Variants in GABRB3 observed in about 807,000 individuals in gnomAD.
The protein encoded by GABRB3 is gamma-aminobutyric acid receptor subunit beta-3.
In GABRB3, 14 loss-of-function variants were observed where a neutral mutation model predicts 52.1. The ratio of observed to expected loss-of-function variants is 0.27; its 90% CI spans 0.18 to 0.42. The LOEUF (loss-of-function observed/expected upper bound fraction) is 0.42, where lower values mean the gene tolerates loss of function less well. Ranked by LOEUF, GABRB3 falls within the 10% of genes least tolerant of loss-of-function variation. The pLI, the probability that GABRB3 is intolerant of heterozygous loss-of-function variation, is 1.00. For missense variants in GABRB3, 307 were observed against 609.1 expected, an observed-to-expected ratio of 0.50 and a Z score of 5.22; for synonymous variants, 260 against 232.3, an observed-to-expected ratio of 1.12 and a Z score of -1.08.
intron 4 of GABRB3, chr15:26,615,101 A>G (rs1393184541): frequency 6.1e-6 from 1 of 165,168 alleles, no homozygotes; most frequent in Non-Finnish European, 1.3e-5. Flanking sequence ...ATTCAATGAC[A>G]TCCGAGGGCC....
At chr15:26,575,571 T>C (rs1890566055) in intron 6 of GABRB3, among the ~76,000 whole-genome samples, 1 of 152,220 alleles carries the variant, frequency 6.6e-6, no homozygotes, top group Admixed American at 6.5e-5. Context: ...GATCCTAGGC[T>C]TTAGTTAAGC....
In GABRB3 at chr15:26,731,790, G is replaced by A. The variant is rs117086282; in HGVS notation, c.240+40612C>T. 8.7e-3 allele frequency among the ~76,000 whole-genome samples: 1,326 copies of A among 152,288 alleles called. 7 individuals carry two copies. Among genetic ancestry groups the A allele is most frequent in the South Asian group, 0.05 (244 of 4,832 alleles). On this transcript the variant is annotated intron_variant, in intron 3 of 8. Coordinates refer to ENST00000311550, the MANE Select transcript of GABRB3 (RefSeq NM_000814.6). The stretch of plus-strand genomic sequence containing the variant: ...TTGTGAACACGAAAAAGCAGATCCT[G>A]CATACCATTTAGCGGTGTTTTTAAA...
Position 26,580,392 on chromosome 15 carries a change from C to G in GABRB3, c.609G>C (p.Val203=). The change falls in exon 6 of 9, where the codon GTG becomes GTC. Residue 203 remains valine, a synonymous_variant. Coordinates refer to ENST00000311550, the MANE Select transcript of GABRB3 (RefSeq NM_000814.6). The part of the protein sequence containing the change: ...WRGGDKAVTG[V]ERIELPQFSI... ...AGAACTGCGGGAGCTCAATCCTTTCCACTCCGGTAACAGCCTTGTCCCCGC... is the reference window on the plus strand; with the variant it reads ...AGAACTGCGGGAGCTCAATCCTTTCGACTCCGGTAACAGCCTTGTCCCCGC... The G allele has an allele frequency of 6.2e-7, 1 of 1,614,176 alleles. No individual in the cohort carries two copies. Among genetic ancestry groups the G allele is most frequent in the Non-Finnish European group, 8.5e-7 (1 of 1,180,034 alleles).
At chr15:26,632,607 A>C (rs1312387265) in intron 3 of GABRB3, among the ~76,000 whole-genome samples, 16 of 152,222 alleles carry the variant, frequency 1.1e-4, no homozygotes, top group Non-Finnish European at 2.4e-4. Flanking sequence ...TAAGCCAATG[A>C]GAACCAGGGA....
chr15:26,743,818 T>C (rs557505350), intron 3 of GABRB3, among the ~76,000 whole-genome samples: 10 of 152,350 alleles, frequency 6.6e-5, no homozygotes, highest in Admixed American at 2.0e-4. Context: ...TGTGATTAGA[T>C]TGGTCACCAG....
intron 3 of GABRB3, among the ~76,000 whole-genome samples, chr15:26,746,580 T>C (rs1230584051): frequency 7.1e-6 from 1 of 141,056 alleles, no homozygotes. Context: ...AGTCCGTTTT[T>C]TGTTTTTTTT....
chr15:26,663,147 A>G (rs902125742), intron 3 of GABRB3, among the ~76,000 whole-genome samples: 1 of 152,200 alleles, frequency 6.6e-6, no homozygotes, highest in Non-Finnish European at 1.5e-5. Context: ...TACAGAACCA[A>G]TCAGAACCGT....
intron 4 of GABRB3, among the ~76,000 whole-genome samples, chr15:26,619,887 ACAC>A (rs1892413363): frequency 6.6e-6 from 1 of 151,426 alleles, no homozygotes. Context: ...ATGCACACCA[ACAC>A]AACACATACC....
chr15:26,699,847 A>G (rs1888869527), intron 3 of GABRB3, among the ~76,000 whole-genome samples: 1 of 152,066 alleles, frequency 6.6e-6, no homozygotes, highest in Non-Finnish European at 1.5e-5. Flanking sequence ...TGCTTAAATA[A>G]GAAATATTTA....
chr15:26,687,973 A>G (rs1888460355), intron 3 of GABRB3, among the ~76,000 whole-genome samples: 1 of 152,238 alleles, frequency 6.6e-6, no homozygotes, highest in African/African-American at 2.4e-5. Flanking sequence ...TTTTGAGTCC[A>G]GTGGACAACC....
chr15:26,640,128 AGCTC>A (rs769403722), intron 3 of GABRB3, among the ~76,000 whole-genome samples: 1 of 152,218 alleles, frequency 6.6e-6, no homozygotes, highest in East Asian at 1.9e-4. Flanking sequence ...TATTCAAATG[AGCTC>A]GAGGGAGTTA....
chr15:26,708,478 G>A (rs1376890805), intron 3 of GABRB3, among the ~76,000 whole-genome samples: 1 of 152,190 alleles, frequency 6.6e-6, no homozygotes. Context: ...GGGAATGAGG[G>A]CATAGGCAAA....
intron 3 of GABRB3, among the ~76,000 whole-genome samples, chr15:26,629,967 A>T (rs1218150768): frequency 1.3e-5 from 2 of 151,984 alleles, no homozygotes; most frequent in Non-Finnish European, 2.9e-5. Flanking sequence ...CTGGCCCTGG[A>T]TGGATACAGT....
Position 26,765,129 on chromosome 15 carries a change from C to A in GABRB3, c.240+7273G>T, listed in dbSNP as rs866351261. Reference sequence around the variant, plus strand: ...GGGGTGACAGAGCGAGACTCCGACTCAAAAAAAAAAAAAAAAGTCAAAACT... The same window carrying A: ...GGGGTGACAGAGCGAGACTCCGACTAAAAAAAAAAAAAAAAAGTCAAAACT... On this transcript the variant is annotated intron_variant, in intron 3 of 8. Coordinates refer to ENST00000311550, the MANE Select transcript of GABRB3 (RefSeq NM_000814.6). Among the ~76,000 whole-genome samples the A allele has an allele frequency of 3.2e-3, 360 of 111,014 alleles. 1 individual carries two copies. The highest frequency in any genetic ancestry group is 4.6e-3 in the South Asian group (13 of 2,832). 72.8% of individuals were successfully genotyped at this position (111,014 alleles called of 152,430 possible).
intron 3 of GABRB3, among the ~76,000 whole-genome samples, chr15:26,713,379 G>T (rs907573996): frequency 2.6e-5 from 4 of 152,148 alleles, no homozygotes; most frequent in Non-Finnish European, 5.9e-5. Flanking sequence ...GGATGGACAG[G>T]CAGAGAGTGG....
chr15:26,590,341 C>A (rs544528945), intron 4 of GABRB3: 1 of 152,310 alleles, frequency 6.6e-6, no homozygotes, highest in African/African-American at 2.4e-5. Context: ...TTCCAGAAAT[C>A]TGGGCGAGAG....
chr15:26,568,709 G>A (rs1445883230), intron 6 of GABRB3, among the ~76,000 whole-genome samples: 1 of 119,084 alleles, frequency 8.4e-6, no homozygotes, highest in East Asian at 5.0e-4. Flanking sequence ...TAGAGACAGG[G>A]TTTCACCATA....
At chr15:26,619,738 T>C (rs1892404136) in intron 4 of GABRB3, among the ~76,000 whole-genome samples, 1 of 152,004 alleles carries the variant, frequency 6.6e-6, no homozygotes, top group South Asian at 2.1e-4. Flanking sequence ...AAATAGCATG[T>C]TTTGTTTAAA....
intron 4 of GABRB3, among the ~76,000 whole-genome samples, chr15:26,584,106 G>A (rs1339470351): frequency 1.3e-5 from 2 of 152,110 alleles, no homozygotes; most frequent in African/African-American, 4.8e-5. Flanking sequence ...TTTTGTGTGT[G>A]ACGAAAATGC....
Sources: allele counts gnomAD v4.1 joint callset (sites outside exome capture counted in the v4.1 genomes callset), GRCh38; gene constraint gnomAD v4.1.1; transcripts MANE v1.5; gene names NCBI Gene and HGNC (gene_info 2026-07-23, HGNC 2026-07-21).